The following HDAC9 variants were observed in gnomAD, a reference collection of about 807,000 sequenced individuals.
HDAC9 encodes histone deacetylase 9.
HDAC9 carries 41 observed loss-of-function variants against 139.4 expected under a neutral mutation model. The ratio of observed to expected loss-of-function variants is 0.29; its 90% CI spans 0.23 to 0.38. The LOEUF (loss-of-function observed/expected upper bound fraction) is 0.38. HDAC9 is among the 10% of genes least tolerant of loss of function. The probability of loss-of-function intolerance (pLI) is 1.00; values close to 1 mark genes in which losing one functional copy is unlikely to be tolerated. For synonymous variants in HDAC9, 517 were observed against 476.2 expected (o/e 1.09, Z -1.12); for missense variants, 1,147 against 1,297.0 (o/e 0.88, Z 1.78).
chr7:18,590,470 A>C lies in HDAC9; in HGVS notation c.399A>C (p.Lys133Asn). The stretch of plus-strand genomic sequence containing the variant: ...AGCAGCTTCCTCCTCTCAGAGGCAA[A>C]GATAGAGGACGAGAAAGTAAGAGGC... ...REQQLPPLRG[K>N]DRGRERAVAS... The change falls in exon 4 of 26, where the codon AAA becomes AAC. Residue 133 changes from lysine (K) to asparagine (N), a missense_variant. Coordinates refer to ENST00000686413, the MANE Select transcript of HDAC9 (RefSeq NM_178425.4). 6.3e-7 allele frequency: 1 copy of C among 1,599,826 alleles called. No individual in the cohort carries two copies.
chr7:18,456,483 C>A (rs1225258656), intron 1 of HDAC9, among the ~76,000 whole-genome samples: 2 of 152,138 alleles, frequency 1.3e-5, no homozygotes, highest in Admixed American at 6.5e-5. Context: ...TATCCACCCA[C>A]GTCGGCCTCC....
intron 1 of HDAC9, chr7:18,088,018 G>C (rs1781903569): frequency 1.3e-5 from 2 of 152,216 alleles, no homozygotes; most frequent in Non-Finnish European, 2.9e-5. Flanking sequence ...CTGTGATGTG[G>C]ACTTGGAGAA....
intron 21 of HDAC9, among the ~76,000 whole-genome samples, chr7:18,869,984 A>G (rs1333027464): frequency 1.3e-5 from 2 of 151,552 alleles, no homozygotes; most frequent in Non-Finnish European, 1.5e-5. Flanking sequence ...TTTAATTGCT[A>G]TAATTTTATT....
intron 1 of HDAC9, among the ~76,000 whole-genome samples, chr7:18,369,521 T>G (rs1784435875): frequency 6.6e-6 from 1 of 152,010 alleles, no homozygotes; most frequent in South Asian, 2.1e-4. Context: ...TATTTGTAAA[T>G]TAATGTCCTT....
chr7:18,627,771 T>G (rs1388358209), intron 6 of HDAC9, among the ~76,000 whole-genome samples: 1 of 152,158 alleles, frequency 6.6e-6, no homozygotes, highest in African/African-American at 2.4e-5. Flanking sequence ...TGCCCCACCT[T>G]TTGACACCCT....
At chr7:18,117,810 T>TA (rs1784102674) in intron 1 of HDAC9, among the ~76,000 whole-genome samples, 1 of 152,204 alleles carries the variant, frequency 6.6e-6, no homozygotes, top group Non-Finnish European at 1.5e-5. Context: ...GGTACTTTGT[T>TA]ACGGCAGCCC....
chr7:18,107,383 G>T (rs757932203), intron 1 of HDAC9, among the ~76,000 whole-genome samples: 28 of 152,136 alleles, frequency 1.8e-4, no homozygotes, highest in Non-Finnish European at 3.4e-4. Context: ...ATCCTTTGTG[G>T]TCAAATGTAG....
intron 1 of HDAC9, among the ~76,000 whole-genome samples, chr7:18,148,141 A>G (rs1157285131): frequency 6.6e-6 from 1 of 152,202 alleles, no homozygotes; most frequent in Non-Finnish European, 1.5e-5. Flanking sequence ...TGCTACTGAA[A>G]CAAATTATCC....
At position 18,313,280 on chromosome 7, in the gene HDAC9, G is replaced by A. The variant is rs200457621; in HGVS notation, c.-42+22765G>A. 1.6e-4 allele frequency among the ~76,000 whole-genome samples: 24 copies of A among 152,272 alleles called. No homozygotes were observed. The East Asian group carries it at 4.2e-3, about 27-fold the overall frequency. ...AAACTTGGTAGAAATGTATAGATAA[G>A]TGACCTGGTCCATTCTGCATTTTTC... On this transcript the variant is annotated intron_variant, in intron 1 of 3. Coordinates refer to the HDAC9 transcript ENST00000413509.
At chr7:18,599,950 A>G (rs1343814934) in intron 6 of HDAC9, among the ~76,000 whole-genome samples, 1 of 147,830 alleles carries the variant, frequency 6.8e-6, no homozygotes, top group Non-Finnish European at 1.5e-5. Flanking sequence ...TGCTCCACAT[A>G]CTTGTTAGCA....
At chr7:18,650,411 C>T (rs1788872956) in intron 11 of HDAC9, among the ~76,000 whole-genome samples, 1 of 152,090 alleles carries the variant, frequency 6.6e-6, no homozygotes, top group South Asian at 2.1e-4. Context: ...AGGTAAATTA[C>T]TCACTTTGAA....
intron 1 of HDAC9, among the ~76,000 whole-genome samples, chr7:18,440,078 G>C (rs1191979081): frequency 1.3e-5 from 2 of 151,954 alleles, no homozygotes; most frequent in African/African-American, 4.8e-5. Context: ...CATGGAGACT[G>C]TAAGAGAAAT....
intron 11 of HDAC9, among the ~76,000 whole-genome samples, chr7:18,655,405 G>A (rs981524597): frequency 5.3e-5 from 8 of 152,014 alleles, no homozygotes; most frequent in African/African-American, 1.7e-4. Flanking sequence ...AAACTTTGAC[G>A]TTACCCTTAA....
chr7:18,672,202 C>T (rs1795712636), intron 12 of HDAC9, among the ~76,000 whole-genome samples: 1 of 152,014 alleles, frequency 6.6e-6, no homozygotes, highest in Non-Finnish European at 1.5e-5. Context: ...TCCTCCACAT[C>T]TTCTCCATTT....
At chr7:18,953,740 A>T (rs546934193) in intron 23 of HDAC9, among the ~76,000 whole-genome samples, 1 of 152,222 alleles carries the variant, frequency 6.6e-6, no homozygotes, top group South Asian at 2.1e-4. Flanking sequence ...CTGTGAAAGT[A>T]TGGATAATAG....
chr7:18,136,540 A>C lies in HDAC9; in HGVS notation c.-96-25689A>C, dbSNP rs956984543. 2.6e-5 allele frequency among the ~76,000 whole-genome samples: 4 copies of C among 152,222 alleles called. No individual in the cohort carries two copies. In the East Asian group the frequency reaches 7.7e-4, roughly 29 times the overall value. On this transcript the variant is annotated intron_variant, in intron 1 of 12. Transcript: ENST00000417496. The stretch of plus-strand genomic sequence containing the variant: ...TACATATGGCTAGCCAATTTTCCCA[A>C]CACCATTTATTAAATAGGGAATCCT...
intron 1 of HDAC9, among the ~76,000 whole-genome samples, chr7:18,367,215 T>C (rs1784252045): frequency 1.3e-5 from 2 of 152,000 alleles, no homozygotes; most frequent in South Asian, 4.1e-4. Context: ...TCCAGTGCAT[T>C]CTAAGGGGTT....
At chr7:18,151,647 A>G (rs897688629) in intron 1 of HDAC9, 1 of 152,210 alleles carries the variant, frequency 6.6e-6, no homozygotes, top group Non-Finnish European at 1.5e-5. Flanking sequence ...GCAGGAGGTC[A>G]GTACTATCAT....
At chr7:18,257,401 C>CCACACA (rs773964606) in intron 2 of HDAC9, among the ~76,000 whole-genome samples, 47 of 130,950 alleles carry the variant, frequency 3.6e-4, no homozygotes, top group African/African-American at 7.5e-4. Context: ...TCTGTCTCTC[C>CCACACA]CACACACACA....
Sources: gnomAD v4.1 joint callset for allele counts (sites outside exome capture counted in the v4.1 genomes callset) on GRCh38, gnomAD v4.1.1 for gene constraint, MANE v1.5 for transcripts, NCBI Gene and HGNC (gene_info 2026-07-23, HGNC 2026-07-21) for gene names.